The following SLC71A2 variants were observed in gnomAD, a reference collection of about 807,000 sequenced individuals.
The protein encoded by SLC71A2 is hippocampus abundant transcript-like 1.
the SLC71A2 span, chr9:94,454,008 C>T: frequency 1.6e-5 from 26 of 1,614,140 alleles, no homozygotes; most frequent in Non-Finnish European, 1.9e-5. Flanking sequence ...AGAATACTGT[C>T]CTCCTTGGCT....
At chr9:94,446,856 T>G in the SLC71A2 span, 1 of 1,611,382 alleles carries the variant, frequency 6.2e-7, no homozygotes, top group Non-Finnish European at 8.5e-7. Flanking sequence ...TTCTACTGTC[T>G]TACTAATCTG....
the SLC71A2 span, chr9:94,415,119 T>C: frequency 6.2e-6 from 9 of 1,453,098 alleles, no homozygotes; most frequent in South Asian, 4.6e-5. Context: ...AGATTTCTTA[T>C]ATTTCTTTGC....
chr9:94,397,391 G>A, the SLC71A2 span, among the ~76,000 whole-genome samples: 2 of 151,804 alleles, frequency 1.3e-5, no homozygotes, highest in African/African-American at 2.4e-5. Context: ...GAGACCAGGA[G>A]TTCAAGACCA....
At chr9:94,382,081 C>T in the SLC71A2 span, among the ~76,000 whole-genome samples, 18 of 151,516 alleles carry the variant, frequency 1.2e-4, no homozygotes, top group Non-Finnish European at 2.4e-4. Flanking sequence ...GGCTGGAGTG[C>T]GGTGGCGTGA....
At chr9:94,441,141 A>G in the SLC71A2 span, 6 of 1,106,792 alleles carry the variant, frequency 5.4e-6, no homozygotes, top group Non-Finnish European at 7.9e-6. Flanking sequence ...CAGAATAGTA[A>G]TTAACATTGT....
At chr9:94,457,894 A>G in the SLC71A2 span, among the ~76,000 whole-genome samples, 1 of 152,196 alleles carries the variant, frequency 6.6e-6, no homozygotes, top group East Asian at 1.9e-4. Context: ...TTTTCAGTGT[A>G]GGTCTCTAGG....
the SLC71A2 span, among the ~76,000 whole-genome samples, chr9:94,437,359 C>T: frequency 2.8e-5 from 4 of 144,418 alleles, no homozygotes; most frequent in Non-Finnish European, 6.1e-5. Context: ...TCTCCCCACC[C>T]TGCTGCTTAT....
the SLC71A2 span, chr9:94,456,441 G>A: frequency 1.8e-5 from 14 of 790,802 alleles, no homozygotes; most frequent in Admixed American, 2.3e-4. Context: ...GGAGCCGACA[G>A]CCATATGGCC....
chr9:94,453,019 T>C, the SLC71A2 span, among the ~76,000 whole-genome samples: 1 of 152,048 alleles, frequency 6.6e-6, no homozygotes, highest in African/African-American at 2.4e-5. Flanking sequence ...ACAAGGCTTA[T>C]GGGAATGCAT....
the SLC71A2 span, among the ~76,000 whole-genome samples, chr9:94,405,748 T>C: frequency 2.0e-5 from 3 of 152,198 alleles, no homozygotes; most frequent in African/African-American, 4.8e-5. Context: ...ATTTTTTTTC[T>C]TTTTCAAGAT....
chr9:94,445,626 C>G, the SLC71A2 span, among the ~76,000 whole-genome samples: 1 of 149,942 alleles, frequency 6.7e-6, no homozygotes, highest in Non-Finnish European at 1.5e-5. Context: ...TATAATATGT[C>G]TCTCTCTCCC....
the SLC71A2 span, among the ~76,000 whole-genome samples, chr9:94,433,598 G>A: frequency 1.3e-4 from 19 of 151,056 alleles, no homozygotes; most frequent in Admixed American, 1.2e-3. Context: ...ACATAAACAA[G>A]TGAAACACAA....
chr9:94,438,805 A>G, the SLC71A2 span, among the ~76,000 whole-genome samples: 1 of 152,204 alleles, frequency 6.6e-6, no homozygotes, highest in Non-Finnish European at 1.5e-5. Context: ...TGTTGCCATG[A>G]TGTCAGGTAT....
the SLC71A2 span, among the ~76,000 whole-genome samples, chr9:94,402,858 T>G: frequency 6.6e-6 from 1 of 152,256 alleles, no homozygotes; most frequent in Admixed American, 6.5e-5. Context: ...ATGCATGATG[T>G]AGTTTGAGTT....
At chr9:94,403,219 C>T in the SLC71A2 span, among the ~76,000 whole-genome samples, 1 of 152,150 alleles carries the variant, frequency 6.6e-6, no homozygotes, top group Non-Finnish European at 1.5e-5. Context: ...TCACTGCAAC[C>T]TCCGCCTGCC....
At chr9:94,441,051 T>G in the SLC71A2 span, 1 of 1,611,772 alleles carries the variant, frequency 6.2e-7, no homozygotes, top group African/African-American at 1.3e-5. Flanking sequence ...TATTTGCCTA[T>G]GTAGCTGATG....
At chr9:94,409,165 G>A in the SLC71A2 span, among the ~76,000 whole-genome samples, 1 of 85,938 alleles carries the variant, frequency 1.2e-5, no homozygotes, top group African/African-American at 4.9e-5. Flanking sequence ...TTAAGGCAAG[G>A]TTTCACTCCC....
the SLC71A2 span, among the ~76,000 whole-genome samples, chr9:94,419,974 C>T: frequency 6.6e-6 from 1 of 152,194 alleles, no homozygotes; most frequent in Non-Finnish European, 1.5e-5. Flanking sequence ...AGTAAACTTT[C>T]AGCTCTCTAC....
At chr9:94,391,704 A>G in the SLC71A2 span, among the ~76,000 whole-genome samples, 2 of 148,564 alleles carry the variant, frequency 1.3e-5, no homozygotes, top group Non-Finnish European at 3.0e-5. Context: ...CCTGGCCAAC[A>G]TAGTGAAACT....
Sources: allele counts gnomAD v4.1 joint callset (sites outside exome capture counted in the v4.1 genomes callset), GRCh38; gene constraint gnomAD v4.1.1; transcripts MANE v1.5; gene names NCBI Gene and HGNC (gene_info 2026-07-23, HGNC 2026-07-21).